The following KYNU variants were observed in gnomAD, a reference collection of about 807,000 sequenced individuals.
KYNU encodes the protein L-kynurenine hydrolase.
In KYNU, 54 loss-of-function variants were observed where a neutral mutation model predicts 59.2. The observed-to-expected ratio is 0.91, with a 90% CI of 0.73 to 1.14. KYNU has a LOEUF of 1.14. Among genes scored for constraint, KYNU ranks in the 50% most tolerant of loss-of-function variants. The probability of loss-of-function intolerance (pLI) is 0.00; values close to 1 mark genes in which losing one functional copy is unlikely to be tolerated. For synonymous variants in KYNU, 177 were observed against 192.0 expected (o/e 0.92, Z 0.65); for missense variants, 567 against 554.4 (o/e 1.02, Z -0.23).
chr2:143,041,956 A>T (rs1687069056), intron 13 of KYNU, 91 bp from the exon 14 acceptor site: 1 of 1,341,664 alleles, frequency 7.5e-7, no homozygotes, highest in Non-Finnish European at 1.1e-6. Context: ...GGAAATCATT[A>T]TGAAAGTGCT....
At chr2:143,020,908 T>C (rs1382646472) in intron 10 of KYNU, among the ~76,000 whole-genome samples, 2 of 152,234 alleles carry the variant, frequency 1.3e-5, no homozygotes, top group South Asian at 2.1e-4. Context: ...CTCAAAGTAA[T>C]ACATGGGAGT....
At position 143,049,322 on chromosome 2, in the gene KYNU, C is replaced by G. The variant is rs1330623850; in HGVS notation, c.*7150C>G. On this transcript the variant is annotated 3_prime_UTR_variant, in exon 14 of 14. Transcript: ENST00000264170. ...TTCTGCTTTAGGCATTAGTAGTGGA[C>G]ATTCTGGTTCCCCATTGAGCTTCCC... The G allele has an allele frequency of 6.6e-6, 1 of 152,114 alleles. No individual in the cohort carries two copies. The highest frequency in any genetic ancestry group is 2.4e-5 in the African/African-American group (1 of 41,414). 9.4% of individuals were successfully genotyped at this position (152,114 alleles called of 1,614,324 possible). A position where few individuals can be genotyped will look rare whatever the true frequency, so the allele number is the denominator to read the frequency against.
intron 2 of KYNU, among the ~76,000 whole-genome samples, chr2:142,904,862 C>T (rs762550250): frequency 5.3e-5 from 8 of 152,144 alleles, no homozygotes; most frequent in Admixed American, 1.3e-4. Context: ...CCCCTTTTCC[C>T]GCCTTTCTTG....
chr2:142,950,839 A>T (rs564412751), intron 4 of KYNU, among the ~76,000 whole-genome samples: 1 of 152,316 alleles, frequency 6.6e-6, no homozygotes, highest in South Asian at 2.1e-4. Flanking sequence ...AAGCTTAATC[A>T]TGTCCAGCTT....
At chr2:143,006,802 A>T (rs577290954) in intron 10 of KYNU, among the ~76,000 whole-genome samples, 27 of 151,884 alleles carry the variant, frequency 1.8e-4, no homozygotes, top group Non-Finnish European at 3.1e-4. Flanking sequence ...GCACACTGAC[A>T]CCTCACACGG....
chr2:142,899,522 C>T (rs941390222), intron 2 of KYNU, among the ~76,000 whole-genome samples: 6 of 152,118 alleles, frequency 3.9e-5, no homozygotes, highest in Admixed American at 3.9e-4. Flanking sequence ...AACCCAAGTG[C>T]TGTTGGGGAA....
chr2:143,047,027 C>T lies in KYNU; in HGVS notation c.*4855C>T, dbSNP rs752542014. On this transcript the variant is annotated 3_prime_UTR_variant, in exon 14 of 14. Coordinates refer to ENST00000264170, the MANE Select transcript of KYNU (RefSeq NM_003937.3). ...CGCACATTTATAGTTTGACAAATTC[C>T]TAAGTACTTCTAATTTTATTGTCAT... 1 of 151,990 alleles carries T rather than the reference C, an allele frequency of 6.6e-6. No individual in the cohort carries two copies. The highest frequency in any genetic ancestry group is 1.5e-5 in the Non-Finnish European group (1 of 68,014). 9.4% of individuals were successfully genotyped at this position (151,990 alleles called of 1,614,324 possible). A position where few individuals can be genotyped will look rare whatever the true frequency, so the allele number is the denominator to read the frequency against.
chr2:143,040,078 T>G (rs1036510490), intron 12 of KYNU, among the ~76,000 whole-genome samples: 7 of 152,118 alleles, frequency 4.6e-5, no homozygotes, highest in African/African-American at 1.7e-4. Flanking sequence ...TTTTAGTTTT[T>G]AATATTTAAT....
At chr2:143,034,012 A>C (rs1201463136) in intron 12 of KYNU, among the ~76,000 whole-genome samples, 2 of 151,934 alleles carry the variant, frequency 1.3e-5, no homozygotes, top group Admixed American at 6.6e-5. Flanking sequence ...ATTTAGTCTC[A>C]CCCTGAAATG....
chr2:143,013,893 T>C lies in KYNU; in HGVS notation c.903-15734T>C, dbSNP rs1160886135. 2.6e-5 allele frequency among the ~76,000 whole-genome samples: 4 copies of C among 152,350 alleles called. No homozygotes were observed. In the East Asian group the frequency reaches 5.8e-4, roughly 22 times the overall value. Reference sequence around the variant, plus strand: ...TTTTGGTCAACTGCTCTCATTACCATTACATTCTCCAAGATGTGTATGAAA... The same window carrying C: ...TTTTGGTCAACTGCTCTCATTACCACTACATTCTCCAAGATGTGTATGAAA... On this transcript the variant is annotated intron_variant, in intron 10 of 13. Coordinates refer to ENST00000264170, the MANE Select transcript of KYNU (RefSeq NM_003937.3).
chr2:143,004,355 A>G (rs917863007), intron 10 of KYNU, among the ~76,000 whole-genome samples: 13 of 152,194 alleles, frequency 8.5e-5, no homozygotes, highest in Admixed American at 2.0e-4. Context: ...GTCCAGTAAA[A>G]TCTTCCTTGT....
intron 2 of KYNU, among the ~76,000 whole-genome samples, chr2:142,889,544 C>A (rs1309570667): frequency 8.0e-6 from 1 of 125,162 alleles, no homozygotes; most frequent in South Asian, 3.1e-4. Flanking sequence ...ATCAGAAAGA[C>A]CTTGTTTCTG....
intron 1 of KYNU, among the ~76,000 whole-genome samples, 167 bp from the exon 2 acceptor site, chr2:142,885,182 A>G (rs1171760026): frequency 6.6e-6 from 1 of 150,530 alleles, no homozygotes; most frequent in Admixed American, 6.6e-5. Flanking sequence ...TTCTTTTCAT[A>G]TATGAGAAAA....
chr2:142,925,335 T>G (rs1683015802), intron 3 of KYNU, among the ~76,000 whole-genome samples: 1 of 152,222 alleles, frequency 6.6e-6, no homozygotes, highest in African/African-American at 2.4e-5. Flanking sequence ...CCTTAGTTCT[T>G]AGCAGCCTAT....
At chr2:142,942,695 T>C (rs1683642747) in intron 4 of KYNU, among the ~76,000 whole-genome samples, 1 of 152,162 alleles carries the variant, frequency 6.6e-6, no homozygotes, top group Non-Finnish European at 1.5e-5. Flanking sequence ...AGAGCAGGAA[T>C]GAAAAGAAGT....
At chr2:142,968,199 G>A (rs1012276155) in intron 8 of KYNU, among the ~76,000 whole-genome samples, 2 of 152,106 alleles carry the variant, frequency 1.3e-5, no homozygotes, top group African/African-American at 4.8e-5. Flanking sequence ...TATAATAAAG[G>A]AGTTGCAAAT....
At chr2:142,995,040 C>T (rs1685503128) in intron 10 of KYNU, among the ~76,000 whole-genome samples, 1 of 151,994 alleles carries the variant, frequency 6.6e-6, no homozygotes, top group Non-Finnish European at 1.5e-5. Context: ...TTCTAAAGTC[C>T]TAAATCTAGA....
intron 2 of KYNU, among the ~76,000 whole-genome samples, chr2:142,885,782 C>T (rs116463236): frequency 0.012 from 1,896 of 152,310 alleles, 30 homozygotes; most frequent in African/African-American, 0.042. Context: ...AACTACTTCT[C>T]TGAACAATTG....
intron 4 of KYNU, among the ~76,000 whole-genome samples, chr2:142,952,712 T>A (rs1684031603): frequency 2.0e-5 from 3 of 152,228 alleles, no homozygotes; most frequent in Admixed American, 1.3e-4. Flanking sequence ...ATATCCATTT[T>A]AATCAGAATA....
Sources: gnomAD v4.1 joint callset for allele counts (sites outside exome capture counted in the v4.1 genomes callset) on GRCh38, gnomAD v4.1.1 for gene constraint, MANE v1.5 for transcripts, NCBI Gene and HGNC (gene_info 2026-07-23, HGNC 2026-07-21) for gene names.